Variants in ZBTB10 observed in about 807,000 individuals in gnomAD.
ZBTB10 encodes zinc finger and BTB domain containing 10, also known as zinc finger and BTB domain-containing protein 10.
ZBTB10 carries 32 observed loss-of-function variants against 76.4 expected under a neutral mutation model. The observed-to-expected ratio is 0.42, with a 90% CI of 0.32 to 0.56. The LOEUF (loss-of-function observed/expected upper bound fraction) is 0.56, where lower values mean the gene tolerates loss of function less well. Ranked by LOEUF, ZBTB10 falls within the 20% of genes least tolerant of loss-of-function variation. The pLI, the probability that ZBTB10 is intolerant of heterozygous loss-of-function variation, is 0.14. For missense variants in ZBTB10, 1,057 were observed against 1,098.5 expected (o/e 0.96, Z 0.53); for synonymous variants, 523 against 432.9 (o/e 1.21, Z -2.58).
At chr8:80,507,775 T>A (rs1022168961) in intron 2 of ZBTB10, among the ~76,000 whole-genome samples, 30 of 152,096 alleles carry the variant, frequency 2.0e-4, no homozygotes, top group Non-Finnish European at 4.1e-4. Context: ...TTTTTTAGAT[T>A]TTTAAAATAG....
chr8:80,491,933 G>A (rs924078703), intron 1 of ZBTB10, among the ~76,000 whole-genome samples: 4 of 152,326 alleles, frequency 2.6e-5, no homozygotes, highest in African/African-American at 9.6e-5. Flanking sequence ...TCAGACCAGT[G>A]ATCTGATTGA....
Position 80,519,414 on chromosome 8 carries a change from CGAGGAGAAT to C in ZBTB10, c.2505_2513del (p.Glu836_Glu838del). ...CAGAATTCCCTCGGGATGAAGAATA[CGAGGAGAAT>C]GAAGTAGGAGAAGCTGATGAAGAGC... On this transcript the variant is annotated inframe_deletion, in exon 6 of 6. Transcript: ENST00000455036. The C allele has an allele frequency of 6.2e-7, 1 of 1,612,300 alleles. No homozygotes were observed.
At chr8:80,517,465 T>G (rs1816352461) in intron 3 of ZBTB10, among the ~76,000 whole-genome samples, 1 of 152,222 alleles carries the variant, frequency 6.6e-6, no homozygotes, top group South Asian at 2.1e-4. Flanking sequence ...ACATGTATTA[T>G]TCTATTTTGA....
At chr8:80,507,832 C>T (rs1289623075) in intron 2 of ZBTB10, among the ~76,000 whole-genome samples, 2 of 152,058 alleles carry the variant, frequency 1.3e-5, no homozygotes, top group East Asian at 1.9e-4. Flanking sequence ...AGCTCTTGGG[C>T]TCAACTCTCC....
intron 2 of ZBTB10, among the ~76,000 whole-genome samples, chr8:80,511,975 A>G (rs937205167): frequency 6.6e-6 from 1 of 152,154 alleles, no homozygotes; most frequent in Non-Finnish European, 1.5e-5. Flanking sequence ...ATACCTAAAT[A>G]GTATCCTATC....
chr8:80,500,178 G>C lies in ZBTB10; in HGVS notation c.1657G>C (p.Gly553Arg). Reference sequence around the variant, plus strand: ...TGAAATGGCTGAAAATGAATCTGAAGGTCAAACAAAAGTGTTTATTTGGAA... The same window carrying C: ...TGAAATGGCTGAAAATGAATCTGAACGTCAAACAAAAGTGTTTATTTGGAA... ...SPEMAENESE[G>R]QTKVFIWNNM... is the part of the protein sequence containing the mutation. Residue 553 changes from glycine to arginine, a missense_variant, in exon 2 of 6, where the codon GGT becomes CGT. Physicochemically the swap from Gly to Arg is moderately radical, Grantham distance 125. Coordinates refer to ENST00000455036, the MANE Select transcript of ZBTB10 (RefSeq NM_001105539.3). 6.2e-7 allele frequency: 1 copy of C among 1,610,434 alleles called. No homozygotes were observed. Among genetic ancestry groups the C allele is most frequent in the Non-Finnish European group, 8.5e-7 (1 of 1,177,918 alleles).
intron 1 of ZBTB10, among the ~76,000 whole-genome samples, chr8:80,496,886 T>C (rs1200940368): frequency 6.6e-6 from 1 of 152,242 alleles, no homozygotes; most frequent in Non-Finnish European, 1.5e-5. Flanking sequence ...ACAATATTCA[T>C]GCTTTTACTA....
chr8:80,506,707 A>G (rs1764254175), intron 2 of ZBTB10, among the ~76,000 whole-genome samples: 1 of 152,210 alleles, frequency 6.6e-6, no homozygotes, highest in African/African-American at 2.4e-5. Flanking sequence ...GTGCTACTCC[A>G]GACCCCACAT....
rs983827823 is a variant in ZBTB10, at chr8:80,520,680, C to G, written c.*1152C>G. 1.3e-5 allele frequency: 2 copies of G among 151,770 alleles called. No homozygotes were observed. The highest frequency in any genetic ancestry group is 4.1e-4 in the South Asian group (2 of 4,826). The allele number at this position is 151,770 out of a possible 1,614,324, so 9.4% of individuals were successfully genotyped here. ...TGATCAATACTTAATTTATTTTTTT[C>G]TGTCCTTGAAGTCACTACACCTTGA... is the stretch of plus-strand genomic sequence containing the variant. On this transcript the variant is annotated 3_prime_UTR_variant, in exon 6 of 6. Transcript: ENST00000455036.
chr8:80,506,507 C>T (rs560691777), intron 2 of ZBTB10, among the ~76,000 whole-genome samples: 92 of 150,102 alleles, frequency 6.1e-4, no homozygotes, highest in Non-Finnish European at 1.0e-3. Context: ...AGAGACGAGA[C>T]GGGTTTTTTT....
chr8:80,486,209 C>T (rs1254534814), upstream of ZBTB10: 3 of 1,092,094 alleles, frequency 2.7e-6, no homozygotes, highest in Non-Finnish European at 3.3e-6. Flanking sequence ...GCATTGTGGG[C>T]GCACGGTCCG....
chr8:80,503,333 C>G (rs76844715), intron 2 of ZBTB10, among the ~76,000 whole-genome samples: 10,064 of 152,046 alleles, frequency 0.066, 394 homozygotes, highest in Middle Eastern at 0.14. Flanking sequence ...CTACCAAATG[C>G]CAGATAGATG....
Position 80,519,933 on chromosome 8 carries a change from C to T in ZBTB10, c.*405C>T, listed in dbSNP as rs1816416205. 1.3e-5 allele frequency: 2 copies of T among 155,166 alleles called. No individual in the cohort carries two copies. Among genetic ancestry groups the T allele is most frequent in the Non-Finnish European group, 2.9e-5 (2 of 69,702 alleles). 9.6% of individuals were successfully genotyped at this position (155,166 alleles called of 1,614,324 possible). ...CCCAATCACTCTGTCCATCAAACCACTCAGGCTAGTTTGTACTAGTAGAGT... is the reference window on the plus strand; with the variant it reads ...CCCAATCACTCTGTCCATCAAACCATTCAGGCTAGTTTGTACTAGTAGAGT... On this transcript the variant is annotated 3_prime_UTR_variant, in exon 6 of 6. Transcript: ENST00000455036.
rs1815474823 is a variant in ZBTB10 at position 80,486,814 on chromosome 8, TCG to T, written c.5_6del (p.Ser2PhefsTer3). On this transcript the variant is annotated frameshift_variant, in exon 1 of 6. Transcript: ENST00000455036. LOFTEE classifies it high-confidence loss of function. M[S>X]FSEMNRRTLA... ...GGCGGCGGCGGCGGCGCGCGCCATGTCGTTCAGTGAAATGAACCGCAGGACGC... is the reference window on the plus strand; with the variant it reads ...GGCGGCGGCGGCGGCGCGCGCCATGTTTCAGTGAAATGAACCGCAGGACGC... The T allele has an allele frequency of 1.5e-6, 2 of 1,341,320 alleles. No individual in the cohort carries two copies. The highest frequency in any genetic ancestry group is 8.7e-5 in the East Asian group (2 of 22,920). The allele number at this position is 1,341,320 out of a possible 1,614,324, so 83.1% of individuals were successfully genotyped here.
At position 80,487,092 on chromosome 8, in the gene ZBTB10, G is replaced by C. The variant is rs1202175573; in HGVS notation, c.282G>C (p.Leu94Phe). ...GCGCCGCCGAGGAAGCCAAGGAGTT[G>C]CTGCTCCCCCAAGACGCGGGCGGCC... Reference protein sequence around the residue: ...AAGAAEEAKELLLPQDAGGPT... With the variant: ...AAGAAEEAKEFLLPQDAGGPT... Residue 94 changes from leucine to phenylalanine, a missense_variant, in exon 1 of 6, where the codon TTG becomes TTC. This residue lies in a region of ZBTB10 where 556 missense variants were observed against 451.7 expected (regional missense o/e 1.23). Coordinates refer to ENST00000455036, the MANE Select transcript of ZBTB10 (RefSeq NM_001105539.3). 1 of 1,519,310 alleles carries C rather than the reference G, an allele frequency of 6.6e-7. No homozygotes were observed. The highest frequency in any genetic ancestry group is 8.8e-7 in the Non-Finnish European group (1 of 1,139,590). 94.1% of individuals were successfully genotyped at this position (1,519,310 alleles called of 1,614,324 possible).
At chr8:80,503,966 C>T (rs1376090463) in intron 2 of ZBTB10, among the ~76,000 whole-genome samples, 1 of 152,164 alleles carries the variant, frequency 6.6e-6, no homozygotes, top group Non-Finnish European at 1.5e-5. Context: ...TTTACTCTTT[C>T]CAGGCAAGTT....
upstream of ZBTB10, chr8:80,485,869 C>A: frequency 6.5e-7 from 1 of 1,535,722 alleles, no homozygotes; most frequent in South Asian, 1.2e-5. Flanking sequence ...AAATGCGCGT[C>A]CCGGGCGCGG....
intron 1 of ZBTB10, among the ~76,000 whole-genome samples, chr8:80,496,223 A>C (rs1323431492): frequency 2.6e-5 from 4 of 152,240 alleles, no homozygotes; most frequent in Admixed American, 2.6e-4. Context: ...TATTGAGTTT[A>C]GCAAATGATA....
chr8:80,506,508 G>T (rs796619231), intron 2 of ZBTB10, among the ~76,000 whole-genome samples: 6 of 151,370 alleles, frequency 4.0e-5, no homozygotes, highest in African/African-American at 1.5e-4. Context: ...GAGACGAGAC[G>T]GGTTTTTTTC....
Sources: gnomAD v4.1 joint callset for allele counts (sites outside exome capture counted in the v4.1 genomes callset) on GRCh38, gnomAD v4.1.1 for gene constraint, gnomAD v4.1.1 regional missense constraint, MANE v1.5 for transcripts, NCBI Gene and HGNC (gene_info 2026-07-23, HGNC 2026-07-21) for gene names.